The following DMD variants were observed in gnomAD, a reference collection of about 807,000 sequenced individuals.
DMD encodes mutant dystrophin.
DMD carries 63 observed loss-of-function variants against 330.1 expected under a neutral mutation model. The ratio of observed to expected loss-of-function variants is 0.19; its 90% CI spans 0.16 to 0.24. The LOEUF is 0.24. Ranked by LOEUF, DMD falls within the 10% of genes least tolerant of loss-of-function variation. The pLI, the probability that DMD is intolerant of heterozygous loss-of-function variation, is 1.00. For missense variants in DMD, 3,344 were observed against 2,684.1 expected (o/e 1.25, Z -5.43); for synonymous variants, 1,223 against 959.8 (o/e 1.27, Z -5.07).
intron 62 of DMD, among the ~76,000 whole-genome samples, chrX:31,311,169 C>T (rs1343313472): frequency 9.1e-6 from 1 of 110,417 alleles, no homozygotes; most frequent in African/African-American, 3.3e-5. Context: ...TGACTTATAG[C>T]CACAGACCAT....
chrX:33,064,657 G>T (rs1378625048), intron 1 of DMD, among the ~76,000 whole-genome samples: 2 of 111,752 alleles, frequency 1.8e-5, no homozygotes, highest in African/African-American at 6.5e-5. Flanking sequence ...GGGAGGCTGA[G>T]GTGGGTGGAT....
intron 61 of DMD, among the ~76,000 whole-genome samples, chrX:31,346,980 T>G (rs55814909): frequency 0.28 from 20,622 of 74,084 alleles, 2,587 homozygotes; most frequent in East Asian, 0.56. Context: ...ACAGCCTGGG[T>G]GACAGAATGA....
chrX:33,203,910 G>A (rs2051419714), intron 1 of DMD, among the ~76,000 whole-genome samples: 1 of 110,950 alleles, frequency 9.0e-6, no homozygotes, highest in African/African-American at 3.3e-5. Flanking sequence ...CTTGCAAATG[G>A]CACCATTATC....
intron 11 of DMD, among the ~76,000 whole-genome samples, chrX:32,638,479 C>T (rs2059239306): frequency 1.8e-5 from 2 of 111,994 alleles, no homozygotes; most frequent in Admixed American, 1.9e-4. Flanking sequence ...CTAAACTGCA[C>T]AATTCTGATT....
intron 41 of DMD, among the ~76,000 whole-genome samples, chrX:32,318,091 C>G (rs772594457): frequency 1.8e-5 from 2 of 110,977 alleles, no homozygotes; most frequent in African/African-American, 3.3e-5. Flanking sequence ...TCTGATGGGT[C>G]ATAAATGAAA....
intron 13 of DMD, among the ~76,000 whole-genome samples, chrX:32,585,615 G>A (rs1601901788): frequency 1.0e-5 from 1 of 95,689 alleles, no homozygotes; most frequent in Non-Finnish European, 2.0e-5. Flanking sequence ...TAGGAGAATG[G>A]CATGAACCCG....
chrX:33,165,899 G>A (rs898837649), intron 1 of DMD, among the ~76,000 whole-genome samples: 13 of 111,682 alleles, frequency 1.2e-4, no homozygotes, highest in African/African-American at 3.9e-4. Flanking sequence ...AAGATGGGGC[G>A]TTAAAACAAG....
At chrX:31,884,354 T>C (rs1482425017) in intron 47 of DMD, among the ~76,000 whole-genome samples, 1 of 111,511 alleles carries the variant, frequency 9.0e-6, no homozygotes, top group East Asian at 2.8e-4. Context: ...ACAACACGGA[T>C]TGAACTGGAA....
At chrX:32,844,444 A>G (rs1468834229) in intron 4 of DMD, among the ~76,000 whole-genome samples, 3 of 109,679 alleles carry the variant, frequency 2.7e-5, no homozygotes, top group African/African-American at 1.0e-4. Flanking sequence ...AAAGAAAAGA[A>G]AAAAGAAAAA....
At chrX:32,433,115 C>G (rs1185956450) in intron 29 of DMD, among the ~76,000 whole-genome samples, 2 of 112,323 alleles carry the variant, frequency 1.8e-5, no homozygotes, top group Non-Finnish European at 3.8e-5. Context: ...ATTTAAGACT[C>G]TAAATTTTAT....
chrX:31,133,840 T>A (rs912425509), intron 77 of DMD, among the ~76,000 whole-genome samples: 1 of 112,398 alleles, frequency 8.9e-6, no homozygotes, highest in Non-Finnish European at 1.9e-5. Flanking sequence ...TTCAGACTAA[T>A]GTGTGAAGCA....
chrX:31,967,271 G>A (rs1372187698), intron 45 of DMD, among the ~76,000 whole-genome samples: 1 of 100,970 alleles, frequency 9.9e-6, no homozygotes, highest in African/African-American at 3.6e-5. Context: ...TTTTGATGAG[G>A]CTATAATTCT....
intron 44 of DMD, among the ~76,000 whole-genome samples, chrX:31,969,173 T>C (rs1453171110): frequency 9.0e-6 from 1 of 111,631 alleles, no homozygotes; most frequent in African/African-American, 3.2e-5. Flanking sequence ...AGCATTTTTA[T>C]GATTGTCAAG....
At chrX:32,633,315 T>G (rs1362817744) in intron 11 of DMD, among the ~76,000 whole-genome samples, 1 of 111,534 alleles carries the variant, frequency 9.0e-6, no homozygotes, top group Admixed American at 9.5e-5. Context: ...TACAGCCAAC[T>G]TCTTTGCTAA....
At chrX:31,913,259 C>T (rs983135124) in intron 47 of DMD, among the ~76,000 whole-genome samples, 2 of 111,828 alleles carry the variant, frequency 1.8e-5, no homozygotes, top group African/African-American at 3.3e-5. Context: ...ATAACTGGAA[C>T]AGAGTGAAAT....
intron 19 of DMD, among the ~76,000 whole-genome samples, chrX:32,495,028 A>G (rs928492127): frequency 1.1e-4 from 12 of 111,640 alleles, no homozygotes; most frequent in Non-Finnish European, 2.1e-4. Context: ...ATATTCTGCC[A>G]CATTTATAAT....
chrX:31,285,302 T>C (rs2053113725), intron 62 of DMD, among the ~76,000 whole-genome samples: 1 of 112,294 alleles, frequency 8.9e-6, no homozygotes, highest in Non-Finnish European at 1.9e-5. Flanking sequence ...GCCATCTGTT[T>C]TTAAAGCTTA....
intron 63 of DMD, among the ~76,000 whole-genome samples, chrX:31,240,997 T>C (rs1300231253): frequency 9.0e-6 from 1 of 111,326 alleles, no homozygotes; most frequent in African/African-American, 3.3e-5. Context: ...CCTAGGGCTG[T>C]TGCAAAACTA....
At chrX:31,602,056 A>T (rs1369869358) in intron 55 of DMD, among the ~76,000 whole-genome samples, 2 of 111,655 alleles carry the variant, frequency 1.8e-5, no homozygotes, top group African/African-American at 6.5e-5. Context: ...GCCTTAGATG[A>T]GGTTTACACA....
Sources: allele counts gnomAD v4.1 joint callset (sites outside exome capture counted in the v4.1 genomes callset), GRCh38; gene constraint gnomAD v4.1.1; transcripts MANE v1.5; gene names NCBI Gene and HGNC (gene_info 2026-07-23, HGNC 2026-07-21).